The following PHYHIPL variants were observed in gnomAD, a reference collection of about 807,000 sequenced individuals.
PHYHIPL encodes the protein phytanoyl-CoA 2-hydroxylase interacting protein like, also known as phytanoyl-CoA hydroxylase-interacting protein-like.
A neutral mutation model predicts 33.4 loss-of-function variants in PHYHIPL; 9 were observed. That is an observed-to-expected ratio of 0.27 (90% CI 0.16 to 0.47). The LOEUF is 0.47. Ranked by LOEUF, PHYHIPL falls within the 20% of genes least tolerant of loss-of-function variation. The probability of loss-of-function intolerance (pLI) is 0.99; values close to 1 mark genes in which losing one functional copy is unlikely to be tolerated. For synonymous variants in PHYHIPL, 153 were observed against 154.1 expected (o/e 0.99, Z 0.05); for missense variants, 365 against 460.7 (o/e 0.79, Z 1.90).
At chr10:59,174,199 G>C (rs774634611), upstream of PHYHIPL, among the ~76,000 whole-genome samples, 1 of 151,916 alleles carries the variant, frequency 6.6e-6, no homozygotes, top group African/African-American at 2.4e-5. Context: ...CATCTTCAGG[G>C]TGGGAACAGT....
At chr10:59,190,170 T>C (rs977806905) in intron 1 of PHYHIPL, among the ~76,000 whole-genome samples, 1 of 152,022 alleles carries the variant, frequency 6.6e-6, no homozygotes. Flanking sequence ...GCAGCTATGC[T>C]TGAAAGTTGC....
chr10:59,229,943 TTCTC>T (rs1840029619), intron 1 of PHYHIPL, among the ~76,000 whole-genome samples: 1 of 152,188 alleles, frequency 6.6e-6, no homozygotes, highest in Admixed American at 6.5e-5. Flanking sequence ...TATGGAGTCT[TTCTC>T]AGGCCATATT....
intron 1 of PHYHIPL, among the ~76,000 whole-genome samples, chr10:59,184,351 GAA>G (rs1296489466): frequency 6.6e-6 from 1 of 152,134 alleles, no homozygotes; most frequent in Non-Finnish European, 1.5e-5. Context: ...ACCTTTATAG[GAA>G]AAGTTTGCCA....
At chr10:59,180,510 T>G in intron 1 of PHYHIPL, among the ~76,000 whole-genome samples, 1 of 151,542 alleles carries the variant, frequency 6.6e-6, no homozygotes, top group East Asian at 1.9e-4. Flanking sequence ...CTTCGTGGCT[T>G]TAACAAATAT....
intron 4 of PHYHIPL, among the ~76,000 whole-genome samples, chr10:59,243,162 A>AGAC (rs1274138598): frequency 6.6e-6 from 1 of 152,180 alleles, no homozygotes; most frequent in African/African-American, 2.4e-5. Context: ...GTGAGATACA[A>AGAC]GACACCTTAT....
chr10:59,236,587 T>A lies in PHYHIPL; in HGVS notation c.408T>A (p.Thr136=). 1 of 1,611,162 alleles carries A rather than the reference T, an allele frequency of 6.2e-7. No homozygotes were observed. The highest frequency in any genetic ancestry group is 1.1e-5 in the South Asian group (1 of 90,714). The part of the protein sequence containing the change: ...PRTEYTVAVQ[T]ASKQVDGDYV... ...CTGAATATACAGTAGCAGTGCAGAC[T>A]GCCTCAAAACAAGTTGATGGTGATT... Residue 136 remains threonine, a synonymous_variant, in exon 3 of 5, where the codon ACT becomes ACA. Coordinates refer to ENST00000373880, the MANE Select transcript of PHYHIPL (RefSeq NM_032439.4).
At chr10:59,230,350 A>G (rs1048778252) in intron 1 of PHYHIPL, among the ~76,000 whole-genome samples, 2 of 151,448 alleles carry the variant, frequency 1.3e-5, no homozygotes, top group Non-Finnish European at 2.9e-5. Flanking sequence ...GGTAGCTGGG[A>G]CTACAGGCAT....
Position 59,245,373 on chromosome 10 carries a change from T to A in PHYHIPL, c.913T>A (p.Ser305Thr), listed in dbSNP as rs1840618703. Residue 305 changes from serine to threonine, a missense_variant, in exon 5 of 5, where the codon TCT becomes ACT. Around this residue, in one of 4 missense-constraint regions of PHYHIPL, gnomAD observed 196 missense variants for 224.9 expected, o/e 0.87. Coordinates refer to ENST00000373880, the MANE Select transcript of PHYHIPL (RefSeq NM_032439.4). ...TAAGCAGCGCCTTCCTCAACTAAAT[T>A]CTAAGGATAATAAATTTTTGACCTG... is the stretch of plus-strand genomic sequence containing the variant. The part of the protein sequence containing the change: ...FCKQRLPQLN[S>T]KDNKFLTCTE... 1 of 1,613,992 alleles carries A rather than the reference T, an allele frequency of 6.2e-7. No homozygotes were observed. The highest frequency in any genetic ancestry group is 1.1e-5 in the South Asian group (1 of 91,080).
intron 1 of PHYHIPL, among the ~76,000 whole-genome samples, chr10:59,193,986 T>C (rs983878301): frequency 7.9e-5 from 12 of 151,996 alleles, no homozygotes; most frequent in Non-Finnish European, 1.8e-4. Flanking sequence ...CTTAAAATAA[T>C]GATAAACGTT....
intron 2 of PHYHIPL, among the ~76,000 whole-genome samples, chr10:59,235,753 A>G (rs936675660): frequency 1.3e-4 from 19 of 151,968 alleles, no homozygotes; most frequent in African/African-American, 4.3e-4. Flanking sequence ...GGAATACCAT[A>G]TCCTTGAAAT....
chr10:59,214,320 AAG>A (rs755618483), intron 1 of PHYHIPL, among the ~76,000 whole-genome samples: 27 of 152,090 alleles, frequency 1.8e-4, no homozygotes, highest in Non-Finnish European at 2.9e-4. Context: ...GCACAAAAAA[AAG>A]ATCCCTAAAA....
rs1042690655 is a variant in PHYHIPL, at chr10:59,224,519, C to T, written c.107-9785C>T. On this transcript the variant is annotated intron_variant, in intron 1 of 4. Transcript: ENST00000373880. ...ACAAAAAACAAAACAAAAAACAAAA[C>T]AAAACAGAAGAGCAATTGAACTATA... is the stretch of plus-strand genomic sequence containing the variant. 3.3e-5 allele frequency among the ~76,000 whole-genome samples: 5 copies of T among 151,860 alleles called. No individual in the cohort carries two copies. The East Asian group carries it at 9.6e-4, about 29-fold the overall frequency.
At chr10:59,187,327 G>T (rs1464028961) in intron 1 of PHYHIPL, among the ~76,000 whole-genome samples, 2 of 152,150 alleles carry the variant, frequency 1.3e-5, no homozygotes, top group East Asian at 3.9e-4. Flanking sequence ...CTTGATTATG[G>T]TGGATGAGCT....
At chr10:59,207,115 GAA>G (rs1839306768) in intron 1 of PHYHIPL, among the ~76,000 whole-genome samples, 1 of 152,154 alleles carries the variant, frequency 6.6e-6, no homozygotes, top group African/African-American at 2.4e-5. Flanking sequence ...CATTACTTAA[GAA>G]TATCACAGAG....
intron 1 of PHYHIPL, among the ~76,000 whole-genome samples, chr10:59,214,464 GAAAAAAGAAACTT>G: frequency 6.6e-6 from 1 of 152,006 alleles, no homozygotes; most frequent in African/African-American, 2.4e-5. Flanking sequence ...AAAAAGATCT[GAAAAAAGAAACTT>G]TAAAAACTGT....
intron 1 of PHYHIPL, among the ~76,000 whole-genome samples, chr10:59,199,877 G>C (rs1374716428): frequency 6.6e-6 from 1 of 152,150 alleles, no homozygotes; most frequent in East Asian, 1.9e-4. Flanking sequence ...TGGTGTATAA[G>C]AATGCTTGTG....
intron 1 of PHYHIPL, among the ~76,000 whole-genome samples, chr10:59,222,166 G>A (rs895233694): frequency 2.0e-5 from 3 of 151,960 alleles, no homozygotes; most frequent in Admixed American, 2.0e-4. Context: ...TTTCAAACAA[G>A]CCCAGGAATT....
chr10:59,190,704 C>A (rs1268206469), intron 1 of PHYHIPL, among the ~76,000 whole-genome samples: 4 of 151,626 alleles, frequency 2.6e-5, no homozygotes, highest in Non-Finnish European at 4.4e-5. Context: ...AATTGGTTTT[C>A]CCTAGTTACT....
intron 1 of PHYHIPL, among the ~76,000 whole-genome samples, chr10:59,184,268 T>C (rs1161914220): frequency 6.6e-6 from 1 of 152,210 alleles, no homozygotes; most frequent in Non-Finnish European, 1.5e-5. Context: ...GGCTACTTTC[T>C]TGCTACAACA....
Sources: gnomAD v4.1 joint callset for allele counts (sites outside exome capture counted in the v4.1 genomes callset) on GRCh38, gnomAD v4.1.1 for gene constraint, gnomAD v4.1.1 regional missense constraint, MANE v1.5 for transcripts, NCBI Gene and HGNC (gene_info 2026-07-23, HGNC 2026-07-21) for gene names.